OSBPL6: variants seen among roughly 807,000 people sequenced by gnomAD.
The protein encoded by OSBPL6 is oxysterol binding protein like 6.
Under a neutral mutation model 125.8 loss-of-function variants are expected in OSBPL6, and 49 were observed. That is an observed-to-expected ratio of 0.39 (90% CI 0.31 to 0.49). The LOEUF (loss-of-function observed/expected upper bound fraction) is 0.49. Among genes scored for constraint, OSBPL6 ranks in the 20% least tolerant of loss-of-function variants. The probability of loss-of-function intolerance (pLI) is 0.88; values close to 1 mark genes in which losing one functional copy is unlikely to be tolerated. For missense variants in OSBPL6, 986 were observed against 1,135.4 expected, an observed-to-expected ratio of 0.87 and a Z score of 1.89; for synonymous variants, 394 against 391.8, an observed-to-expected ratio of 1.01 and a Z score of -0.07.
chr2:178,366,706 C>A (rs953260292), intron 13 of OSBPL6, among the ~76,000 whole-genome samples: 3 of 152,224 alleles, frequency 2.0e-5, no homozygotes, highest in African/African-American at 7.2e-5. Flanking sequence ...CTGTCCACAA[C>A]ATTTCACATA....
chr2:178,207,041 T>G (rs997967035), intron 1 of OSBPL6, among the ~76,000 whole-genome samples: 3 of 151,962 alleles, frequency 2.0e-5, no homozygotes, highest in African/African-American at 7.3e-5. Context: ...AGTGCTGGGG[T>G]TTTTGTTTGT....
At chr2:178,309,961 A>G (rs2154063357) in intron 3 of OSBPL6, among the ~76,000 whole-genome samples, 1 of 152,372 alleles carries the variant, frequency 6.6e-6, no homozygotes, top group South Asian at 2.1e-4. Context: ...TAAACAAAAT[A>G]TCTTTTGCAA....
intron 1 of OSBPL6, among the ~76,000 whole-genome samples, chr2:178,239,849 G>C (rs1205557925): frequency 6.6e-6 from 1 of 151,550 alleles, no homozygotes; most frequent in South Asian, 2.1e-4. Context: ...GGATGGTCTC[G>C]ATTTCCTGAC....
chr2:178,388,683 C>T (rs1285043708), intron 20 of OSBPL6, among the ~76,000 whole-genome samples: 1 of 152,178 alleles, frequency 6.6e-6, no homozygotes, highest in African/African-American at 2.4e-5. Context: ...AAAAACTCTT[C>T]CTTCTGTGTT....
At chr2:178,336,909 C>T (rs541630275) in intron 9 of OSBPL6, among the ~76,000 whole-genome samples, 58 of 152,296 alleles carry the variant, frequency 3.8e-4, no homozygotes, top group African/African-American at 1.3e-3. Context: ...TTCCTGACAA[C>T]TCGGCAATAA....
intron 2 of OSBPL6, among the ~76,000 whole-genome samples, chr2:178,292,559 A>AT (rs1471923481): frequency 6.6e-6 from 1 of 152,144 alleles, no homozygotes; most frequent in Admixed American, 6.6e-5. Context: ...ATCTAAATAG[A>AT]TGTCTTTTAT....
chr2:178,218,044 T>C (rs754749345), intron 1 of OSBPL6, among the ~76,000 whole-genome samples: 1 of 152,238 alleles, frequency 6.6e-6, no homozygotes, highest in Non-Finnish European at 1.5e-5. Flanking sequence ...CTTTGTACTG[T>C]TCTGAGAGTT....
intron 1 of OSBPL6, among the ~76,000 whole-genome samples, chr2:178,237,017 C>T (rs920119105): frequency 6.6e-6 from 1 of 152,166 alleles, no homozygotes; most frequent in South Asian, 2.1e-4. Flanking sequence ...CTCTCTCAGC[C>T]ATATGGCCAA....
In OSBPL6 at chr2:178,395,738, G is replaced by T. The variant is rs1450798942; in HGVS notation, c.*179G>T. ...ATTAGACAAGGCCCCTAACCACTTT[G>T]GGATCCTTTCTGTTTTGCTGCAACC... is the stretch of plus-strand genomic sequence containing the variant. On this transcript the variant is annotated 3_prime_UTR_variant, in exon 25 of 25. Coordinates refer to ENST00000190611, the MANE Select transcript of OSBPL6 (RefSeq NM_032523.4). The T allele has an allele frequency of 2.1e-5, 10 of 479,230 alleles. No homozygotes were observed. In the East Asian group the frequency reaches 4.6e-4, roughly 22 times the overall value. 29.7% of individuals were successfully genotyped at this position (479,230 alleles called of 1,614,324 possible).
chr2:178,385,372 T>G, intron 18 of OSBPL6, 86 bp from the exon 19 acceptor site: 1 of 960,892 alleles, frequency 1.0e-6, no homozygotes, highest in Non-Finnish European at 1.6e-6. Context: ...TACTTATACA[T>G]TTTGAGAATA....
rs575621862 is a variant in OSBPL6, at chr2:178,333,345, A to G, written c.657+304A>G. The stretch of plus-strand genomic sequence containing the variant: ...GGTTGTAGTGAGCCAAGATTGTGCC[A>G]CTACTGAATAGCCTGGGCAATAGAG... On this transcript the variant is annotated intron_variant, in intron 8 of 24. Transcript: ENST00000190611. Among the ~76,000 whole-genome samples, 9 of 152,350 alleles carry G rather than the reference A, an allele frequency of 5.9e-5. No homozygotes were observed. In the South Asian group the frequency reaches 1.5e-3, roughly 25 times the overall value.
At chr2:178,283,438 C>T (rs1328677809) in intron 1 of OSBPL6, among the ~76,000 whole-genome samples, 3 of 150,514 alleles carry the variant, frequency 2.0e-5, no homozygotes, top group Admixed American at 2.0e-4. Context: ...TTGAAAAAGT[C>T]AAACCCAGGG....
In OSBPL6 at chr2:178,270,233, T is replaced by A. The variant is rs333985; in HGVS notation, c.-350-14694T>A. On this transcript the variant is annotated intron_variant, in intron 1 of 24. Coordinates refer to ENST00000190611, the MANE Select transcript of OSBPL6 (RefSeq NM_032523.4). ...TTTGGCTCCCTTATCAAAGATGACC[T>A]CTTATTTTCTTTTTGTGTGGAGAGA... is the stretch of plus-strand genomic sequence containing the variant. Among the ~76,000 whole-genome samples, 6 of 152,056 alleles carry A rather than the reference T, an allele frequency of 3.9e-5. No homozygotes were observed. In the East Asian group the frequency reaches 7.7e-4, roughly 20 times the overall value.
At chr2:178,361,879 A>C in intron 13 of OSBPL6, 64 bp downstream of exon 13, 230 of 1,584,460 alleles carry the variant, frequency 1.5e-4, no homozygotes, top group Non-Finnish European at 1.8e-4. Flanking sequence ...ATGAAAGATC[A>C]AAAGATGGGG....
At chr2:178,377,671 A>G (rs1448997221) in intron 15 of OSBPL6, among the ~76,000 whole-genome samples, 2 of 152,126 alleles carry the variant, frequency 1.3e-5, no homozygotes, top group South Asian at 2.1e-4. Context: ...TGCACTTGCC[A>G]TCTACCCTGG....
At chr2:178,361,903 G>A in intron 13 of OSBPL6, 88 bp downstream of exon 13, 1 of 1,530,450 alleles carries the variant, frequency 6.5e-7, no homozygotes, top group Non-Finnish European at 8.9e-7. Flanking sequence ...TGGCAGGGAG[G>A]TGGCTAGTCA....
At chr2:178,395,429 G>A in intron 24 of OSBPL6, 22 bp from the exon 25 acceptor site, 1 of 1,548,264 alleles carries the variant, frequency 6.5e-7, no homozygotes, top group South Asian at 1.1e-5. Context: ...CATGACTAAT[G>A]TTGATGTTTA....
chr2:178,352,636 A>G (rs1691382664), intron 12 of OSBPL6, among the ~76,000 whole-genome samples: 1 of 152,212 alleles, frequency 6.6e-6, no homozygotes, highest in Non-Finnish European at 1.5e-5. Context: ...TATTGCCTCT[A>G]TAGACTCCAC....
At chr2:178,294,536 TG>T (rs1685559134) in intron 2 of OSBPL6, among the ~76,000 whole-genome samples, 1 of 152,164 alleles carries the variant, frequency 6.6e-6, no homozygotes. Context: ...AGCAGGTTGT[TG>T]CATTTAATGT....
Sources: allele counts gnomAD v4.1 joint callset (sites outside exome capture counted in the v4.1 genomes callset), GRCh38; gene constraint gnomAD v4.1.1; transcripts MANE v1.5; gene names NCBI Gene and HGNC (gene_info 2026-07-23, HGNC 2026-07-21).